The following PDGFD variants were observed in gnomAD, a reference collection of about 807,000 sequenced individuals.
PDGFD encodes the protein platelet derived growth factor D, also known as platelet-derived growth factor D.
PDGFD carries 30 observed loss-of-function variants against 44.7 expected under a neutral mutation model. The ratio of observed to expected loss-of-function variants is 0.67; its 90% CI spans 0.50 to 0.91. The LOEUF is 0.91. Among genes scored for constraint, PDGFD ranks in the 40% least tolerant of loss-of-function variants. The pLI is 0.00. For missense variants in PDGFD, 445 were observed against 457.8 expected (o/e 0.97, Z 0.25); for synonymous variants, 173 against 168.4 (o/e 1.03, Z -0.21).
At chr11:104,139,919 G>A (rs1190608811) in intron 1 of PDGFD, among the ~76,000 whole-genome samples, 1 of 73,776 alleles carries the variant, frequency 1.4e-5, no homozygotes, top group Admixed American at 1.3e-4. Flanking sequence ...AATTAGCCGG[G>A]CGCGGTGGCG....
rs969853574 is a variant in PDGFD, at chr11:104,163,989, C to G, written c.-62G>C. The stretch of plus-strand genomic sequence containing the variant: ...AAAAGCCGGGTTCTGCTCCCGGGAC[C>G]GACGCCGCGCCGCCCTGCGCTCTCG... On this transcript the variant is annotated 5_prime_UTR_variant, in exon 1 of 7. Transcript: ENST00000393158. 1 of 1,464,112 alleles carries G rather than the reference C, an allele frequency of 6.8e-7. No homozygotes were observed. The highest frequency in any genetic ancestry group is 2.4e-5 in the East Asian group (1 of 41,648). The allele number at this position is 1,464,112 out of a possible 1,614,324, so 90.7% of individuals were successfully genotyped here. A position where few individuals can be genotyped will look rare whatever the true frequency, so the allele number is the denominator to read the frequency against.
chr11:103,947,768 C>A lies in PDGFD; in HGVS notation c.511-44G>T. 2.1e-6 allele frequency: 3 copies of A among 1,408,522 alleles called. No individual in the cohort carries two copies. In the South Asian group the frequency reaches 3.5e-5, roughly 16 times the overall value. 87.3% of individuals were successfully genotyped at this position (1,408,522 alleles called of 1,614,324 possible). ...TCTGTGAGTCAGTCAAACCTCTGTT[C>A]AATTCATTATGTGCACAGTTTCAAC... On this transcript the variant is annotated intron_variant, in intron 3 of 6. Coordinates refer to ENST00000393158, the MANE Select transcript of PDGFD (RefSeq NM_025208.5).
intron 1 of PDGFD, among the ~76,000 whole-genome samples, chr11:104,156,570 T>C (rs1405199398): frequency 1.3e-5 from 2 of 152,074 alleles, no homozygotes; most frequent in Admixed American, 1.3e-4. Context: ...TGGGCTATGA[T>C]GCTTCCACAG....
At chr11:104,001,377 T>C (rs1053447417) in intron 1 of PDGFD, among the ~76,000 whole-genome samples, 5 of 152,236 alleles carry the variant, frequency 3.3e-5, no homozygotes, top group Admixed American at 6.5e-5. Flanking sequence ...TCCTAATTTA[T>C]ATCCTTTATA....
chr11:103,972,827 G>A (rs1260340915), intron 3 of PDGFD, among the ~76,000 whole-genome samples: 1 of 152,118 alleles, frequency 6.6e-6, no homozygotes, highest in Non-Finnish European at 1.5e-5. Context: ...TGCAACATGG[G>A]AATATTGTAT....
intron 1 of PDGFD, chr11:104,036,537 G>A: frequency 2.2e-6 from 1 of 461,468 alleles, no homozygotes. Context: ...GAGCCATCGT[G>A]TATCCATGGG....
At chr11:104,002,238 A>G (rs375165139) in intron 1 of PDGFD, among the ~76,000 whole-genome samples, 7 of 152,134 alleles carry the variant, frequency 4.6e-5, no homozygotes, top group African/African-American at 1.7e-4. Flanking sequence ...CTTTTAGGCA[A>G]TGGGTCTTGA....
intron 1 of PDGFD, among the ~76,000 whole-genome samples, chr11:104,124,041 T>C (rs898397102): frequency 1.3e-5 from 2 of 151,896 alleles, no homozygotes; most frequent in South Asian, 2.1e-4. Flanking sequence ...TGGTGAAATA[T>C]GGAAGTGAGA....
intron 3 of PDGFD, among the ~76,000 whole-genome samples, chr11:103,980,737 T>C (rs1859258443): frequency 6.6e-6 from 1 of 152,022 alleles, no homozygotes. Context: ...CCTTAGGATG[T>C]AGGAATGGGA....
intron 1 of PDGFD, among the ~76,000 whole-genome samples, chr11:104,054,361 G>T (rs993502293): frequency 6.6e-6 from 1 of 152,148 alleles, no homozygotes; most frequent in Non-Finnish European, 1.5e-5. Flanking sequence ...GATCTATGTT[G>T]CTCAAAGAGT....
chr11:103,984,134 C>A (rs573755724), intron 3 of PDGFD, among the ~76,000 whole-genome samples: 1 of 151,654 alleles, frequency 6.6e-6, no homozygotes, highest in Admixed American at 6.6e-5. Flanking sequence ...GCACTATTTA[C>A]AATAGCAAAT....
chr11:104,116,164 G>T (rs889827194), intron 1 of PDGFD, among the ~76,000 whole-genome samples: 15 of 152,002 alleles, frequency 9.9e-5, no homozygotes, highest in Non-Finnish European at 2.1e-4. Context: ...ATAGTTTCAG[G>T]TCTTAGATTT....
chr11:103,931,779 T>C (rs1391132903), intron 5 of PDGFD, among the ~76,000 whole-genome samples: 1 of 152,012 alleles, frequency 6.6e-6, no homozygotes, highest in African/African-American at 2.4e-5. Context: ...AGAGATAGAG[T>C]TTCACCATGT....
At chr11:104,081,392 C>T (rs1861043462) in intron 1 of PDGFD, among the ~76,000 whole-genome samples, 1 of 151,904 alleles carries the variant, frequency 6.6e-6, no homozygotes, top group Non-Finnish European at 1.5e-5. Flanking sequence ...GGTGAAGTTG[C>T]TTATTTTATG....
rs35905360 is a variant in PDGFD at position 104,010,184 on chromosome 11, C to CT, written c.125-9930dup. Among the ~76,000 whole-genome samples the CT allele has an allele frequency of 0.026, 3,763 of 146,240 alleles. 208 individuals carry two copies. In the East Asian group the frequency reaches 0.27, roughly 11 times the overall value. On this transcript the variant is annotated intron_variant, in intron 1 of 6. Transcript: ENST00000393158. The stretch of plus-strand genomic sequence containing the variant: ...AGATGGTTGTTTGCCAGTTACATAT[C>CT]TTTTTTTTTTTTTAAACATTAGAGC...
At chr11:104,072,220 A>T (rs925144873) in intron 1 of PDGFD, among the ~76,000 whole-genome samples, 1 of 151,914 alleles carries the variant, frequency 6.6e-6, no homozygotes, top group Non-Finnish European at 1.5e-5. Context: ...TGAGTATCCT[A>T]TCTCAAAACA....
chr11:104,159,991 T>C (rs1862366584), intron 1 of PDGFD, among the ~76,000 whole-genome samples: 1 of 152,218 alleles, frequency 6.6e-6, no homozygotes, highest in African/African-American at 2.4e-5. Flanking sequence ...TTAATATCCT[T>C]AGAGCTGAAC....
At chr11:103,948,814 A>G (rs1261777417) in intron 3 of PDGFD, among the ~76,000 whole-genome samples, 2 of 152,086 alleles carry the variant, frequency 1.3e-5, no homozygotes, top group Non-Finnish European at 2.9e-5. Context: ...CCTGTGTTTA[A>G]TAAAATTTCA....
intron 1 of PDGFD, among the ~76,000 whole-genome samples, chr11:104,006,294 T>C (rs1859700552): frequency 6.6e-6 from 1 of 152,212 alleles, no homozygotes; most frequent in Non-Finnish European, 1.5e-5. Flanking sequence ...TCCAAGGTGA[T>C]TCTGATGCAC....
Sources: gnomAD v4.1 joint callset for allele counts (sites outside exome capture counted in the v4.1 genomes callset) on GRCh38, gnomAD v4.1.1 for gene constraint, MANE v1.5 for transcripts, NCBI Gene and HGNC (gene_info 2026-07-23, HGNC 2026-07-21) for gene names.